Variants in TOP2B observed in about 807,000 individuals in gnomAD.
TOP2B encodes the protein DNA topoisomerase 2-beta.
In TOP2B, 51 loss-of-function variants were observed where a neutral mutation model predicts 193.5. That is an observed-to-expected ratio of 0.26 (90% CI 0.21 to 0.33). The LOEUF is 0.33. TOP2B is among the 10% of genes least tolerant of loss of function. The pLI, the probability that TOP2B is intolerant of heterozygous loss-of-function variation, is 1.00. For missense variants in TOP2B, 1,378 were observed against 1,909.3 expected (o/e 0.72, Z 5.19); for synonymous variants, 634 against 635.7 (o/e 1.00, Z 0.04).
At position 25,664,854 on chromosome 3, in the gene TOP2B, C is replaced by A; in HGVS notation, c.-557G>T. ...CCGAGAGGGACAATAAACAGAGCCG[C>A]CGCCGCCGCCGCCACGGTCACCTCC... On this transcript the variant is annotated 5_prime_UTR_variant, in exon 1 of 36. Transcript: ENST00000264331. The A allele has an allele frequency of 1.0e-6, 1 of 990,580 alleles. No homozygotes were observed. The highest frequency in any genetic ancestry group is 4.5e-5 in the South Asian group (1 of 22,166). 61.4% of individuals were successfully genotyped at this position (990,580 alleles called of 1,614,324 possible).
rs1704040482 is a variant in TOP2B at position 25,664,753 on chromosome 3, AGTC to A, written c.-459_-457del. The A allele has an allele frequency of 1.0e-6, 1 of 988,284 alleles. No homozygotes were observed. The allele number at this position is 988,284 out of a possible 1,614,324, so 61.2% of individuals were successfully genotyped here. On this transcript the variant is annotated 5_prime_UTR_variant, in exon 1 of 36. Coordinates refer to ENST00000264331, the MANE Select transcript of TOP2B (RefSeq NM_001330700.2). ...GGCCAGCCACTCGAGTCGCCAGAGT[AGTC>A]GTCCCGGTCGCCGCCGCTGCTTCAA...
chr3:25,609,451 G>A (rs1162801130), intron 29 of TOP2B, 107 bp from the exon 30 acceptor site: 6 of 1,459,086 alleles, frequency 4.1e-6, no homozygotes, highest in Non-Finnish European at 9.1e-7. Context: ...AAACGTTTAT[G>A]AAAATTGAAG....
At chr3:25,624,638 G>C in intron 19 of TOP2B, 44 bp downstream of exon 19, 1 of 1,601,856 alleles carries the variant, frequency 6.2e-7, no homozygotes, top group Non-Finnish European at 8.5e-7. Context: ...CATTCTTCAA[G>C]ACAATAATTA....
chr3:25,646,819 C>A (rs891897770), intron 1 of TOP2B, among the ~76,000 whole-genome samples: 1 of 151,784 alleles, frequency 6.6e-6, no homozygotes. Flanking sequence ...AAAGTCTAAA[C>A]GAAGATAAGA....
chr3:25,630,725 T>C (rs1305506104), intron 11 of TOP2B, 76 bp downstream of exon 11: 10 of 1,324,454 alleles, frequency 7.6e-6, no homozygotes, highest in South Asian at 1.8e-5. Context: ...TAACTATATG[T>C]AGAAAATAAA....
At chr3:25,643,232 C>T (rs902617155) in intron 3 of TOP2B, among the ~76,000 whole-genome samples, 4 of 152,262 alleles carry the variant, frequency 2.6e-5, no homozygotes, top group Middle Eastern at 3.4e-3. Flanking sequence ...TTTAATTAAT[C>T]ATGTGATTTG....
chr3:25,628,977 T>C, intron 14 of TOP2B, 25 bp from the exon 15 acceptor site: 1 of 1,584,286 alleles, frequency 6.3e-7, no homozygotes, highest in Admixed American at 1.8e-5. Context: ...AAAACAAAAT[T>C]AGTTTTTCTG....
At chr3:25,601,796 T>C (rs1361883670) in intron 33 of TOP2B, among the ~76,000 whole-genome samples, 1 of 152,220 alleles carries the variant, frequency 6.6e-6, no homozygotes, top group African/African-American at 2.4e-5. Context: ...AAGCAGTAAC[T>C]TTTAAATACA....
At chr3:25,663,457 C>T (rs188870987) in intron 1 of TOP2B, among the ~76,000 whole-genome samples, 3 of 152,296 alleles carry the variant, frequency 2.0e-5, no homozygotes, top group Admixed American at 2.0e-4. Context: ...TCGTGGGAAT[C>T]CAGTCTCCCT....
intron 1 of TOP2B, among the ~76,000 whole-genome samples, chr3:25,650,904 G>A (rs971117180): frequency 7.2e-5 from 11 of 152,128 alleles, no homozygotes; most frequent in Non-Finnish European, 1.3e-4. Context: ...TAAACTTGAT[G>A]TTTGTTCTTG....
At chr3:25,617,169 C>A (rs1475226472) in intron 25 of TOP2B, among the ~76,000 whole-genome samples, 1 of 152,108 alleles carries the variant, frequency 6.6e-6, no homozygotes, top group East Asian at 1.9e-4. Flanking sequence ...CTGTAGAAAT[C>A]TTTATCTTTT....
intron 33 of TOP2B, among the ~76,000 whole-genome samples, chr3:25,604,317 A>T (rs898639709): frequency 6.6e-6 from 1 of 152,148 alleles, no homozygotes; most frequent in African/African-American, 2.4e-5. Flanking sequence ...ATCAACTCAA[A>T]GTGTTTTGTG....
At chr3:25,641,748 A>T (rs1361847042) in intron 4 of TOP2B, among the ~76,000 whole-genome samples, 1 of 152,152 alleles carries the variant, frequency 6.6e-6, no homozygotes, top group Non-Finnish European at 1.5e-5. Context: ...ATTACTAATG[A>T]AATTACAAAG....
chr3:25,598,528 G>GTATT lies in TOP2B; in HGVS notation c.4711-55_4711-52dup, dbSNP rs1196969646. Reference sequence around the variant, plus strand: ...AAGTTATGAAAGGAAGTAAAGACTAGTATTAAGAACTATCACTCCTTAAAC... The same window carrying GTATT: ...AAGTTATGAAAGGAAGTAAAGACTAGTATTTATTAAGAACTATCACTCCTTAAAC... On this transcript the variant is annotated intron_variant, in intron 35 of 35. Transcript: ENST00000264331. The GTATT allele has an allele frequency of 1.5e-5, 21 of 1,413,440 alleles. No homozygotes were observed. In the East Asian group the frequency reaches 2.3e-4, roughly 15 times the overall value. The allele number at this position is 1,413,440 out of a possible 1,614,324, so 87.6% of individuals were successfully genotyped here.
Position 25,637,316 on chromosome 3 carries a change from TA to T in TOP2B, c.542-5del. The T allele has an allele frequency of 1.3e-6, 2 of 1,537,038 alleles. 1 individual carries two copies. Among genetic ancestry groups the T allele is most frequent in the South Asian group, 2.4e-5 (2 of 82,400 alleles). Reference sequence around the variant, plus strand: ...GCACCATAACCATTACGACCACCTGTAAGAAAAATTAAATGTAAAAGGTTTA... The same window carrying T: ...GCACCATAACCATTACGACCACCTGTAGAAAAATTAAATGTAAAAGGTTTA... On this transcript the variant is annotated splice_region_variant and splice_polypyrimidine_tract_variant and intron_variant, in intron 5 of 35. Coordinates refer to ENST00000264331, the MANE Select transcript of TOP2B (RefSeq NM_001330700.2).
intron 27 of TOP2B, 45 bp downstream of exon 27, chr3:25,615,160 T>C (rs747909608): frequency 2.6e-6 from 4 of 1,526,508 alleles, no homozygotes; most frequent in Non-Finnish European, 3.6e-6. Flanking sequence ...TTCTTGTTCA[T>C]AAACATGACT....
intron 27 of TOP2B, among the ~76,000 whole-genome samples, chr3:25,614,339 T>C (rs73153326): frequency 0.12 from 17,563 of 152,046 alleles, 1,052 homozygotes; most frequent in African/African-American, 0.15. Context: ...TAATATATGA[T>C]GGCTTCATTT....
chr3:25,604,628 C>G, intron 33 of TOP2B, 132 bp downstream of exon 33: 2 of 677,452 alleles, frequency 3.0e-6, no homozygotes, highest in Non-Finnish European at 4.8e-6. Context: ...ACGAGAGGTT[C>G]TCCTTATAAG....
At position 25,626,627 on chromosome 3, in the gene TOP2B, G is replaced by A; in HGVS notation, c.2157C>T (p.Phe719=). The change falls in exon 18 of 36, where the codon TTC becomes TTT. Residue 719 remains phenylalanine (F), a synonymous_variant. Transcript: ENST00000264331. The part of the protein sequence containing the change: ...TATKHLTYND[F]INKELILFSN... ...AGAAGAGAATCAATTCCTTGTTGAT[G>A]AAATCATTATAAGTCAAATGCTTTG... 1 of 1,539,642 alleles carries A rather than the reference G, an allele frequency of 6.5e-7. No homozygotes were observed.
Sources: gnomAD v4.1 joint callset for allele counts (sites outside exome capture counted in the v4.1 genomes callset) on GRCh38, gnomAD v4.1.1 for gene constraint, MANE v1.5 for transcripts, NCBI Gene and HGNC (gene_info 2026-07-23, HGNC 2026-07-21) for gene names.